Variants in STT3B observed in about 807,000 individuals in gnomAD.
STT3B encodes STT3 oligosaccharyltransferase complex catalytic subunit B, also known as dolichyl-diphosphooligosaccharide--protein glycosyltransferase subunit STT3B.
In STT3B, 29 loss-of-function variants were observed where a neutral mutation model predicts 96.8. The ratio of observed to expected loss-of-function variants is 0.30; its 90% CI spans 0.22 to 0.41. The LOEUF (loss-of-function observed/expected upper bound fraction) is 0.41. STT3B is among the 10% of genes least tolerant of loss of function. The pLI is 1.00. For synonymous variants in STT3B, 367 were observed against 360.0 expected, an observed-to-expected ratio of 1.02 and a Z score of -0.22; for missense variants, 640 against 1,022.3, an observed-to-expected ratio of 0.63 and a Z score of 5.10.
At position 31,587,374 on chromosome 3, in the gene STT3B, A is replaced by G. The variant is rs1190636738; in HGVS notation, c.711+7278A>G. ...ATTTGCCTATTCTGGAATTCCATATAAAAGGAATTATATAATATGTTGCCT... is the reference window on the plus strand; with the variant it reads ...ATTTGCCTATTCTGGAATTCCATATGAAAGGAATTATATAATATGTTGCCT... On this transcript the variant is annotated intron_variant, in intron 3 of 15. Coordinates refer to ENST00000295770, the MANE Select transcript of STT3B (RefSeq NM_178862.3). 6.6e-5 allele frequency among the ~76,000 whole-genome samples: 10 copies of G among 152,008 alleles called. No individual in the cohort carries two copies. The South Asian group carries it at 1.9e-3, about 28-fold the overall frequency.
intron 1 of STT3B, among the ~76,000 whole-genome samples, chr3:31,575,466 T>TGG (rs551121747): frequency 1.4e-4 from 21 of 150,830 alleles, no homozygotes; most frequent in African/African-American, 5.1e-4. Flanking sequence ...TTGATTTTTT[T>TGG]GGGGGGGGGA....
intron 3 of STT3B, among the ~76,000 whole-genome samples, chr3:31,591,311 T>TG (rs1294517586): frequency 6.6e-6 from 1 of 152,184 alleles, no homozygotes; most frequent in Non-Finnish European, 1.5e-5. Flanking sequence ...TATCTTTTTC[T>TG]GTCCTTAAAA....
intron 2 of STT3B, among the ~76,000 whole-genome samples, chr3:31,579,106 C>T (rs1698323176): frequency 6.6e-6 from 1 of 151,986 alleles, no homozygotes; most frequent in Non-Finnish European, 1.5e-5. Context: ...TGATGTTCCT[C>T]TTTTAGAGTG....
chr3:31,542,107 A>G (rs1697289257), intron 1 of STT3B, among the ~76,000 whole-genome samples: 1 of 152,256 alleles, frequency 6.6e-6, no homozygotes, highest in Non-Finnish European at 1.5e-5. Flanking sequence ...ATTTTTCTAC[A>G]GAAACCAAAA....
At chr3:31,569,270 A>T (rs1026812416) in intron 1 of STT3B, among the ~76,000 whole-genome samples, 3 of 152,144 alleles carry the variant, frequency 2.0e-5, no homozygotes, top group African/African-American at 7.2e-5. Flanking sequence ...GAGTTTACAG[A>T]CCTAAGCCAC....
chr3:31,587,114 G>A (rs1206671147), intron 3 of STT3B, among the ~76,000 whole-genome samples: 3 of 151,704 alleles, frequency 2.0e-5, no homozygotes, highest in East Asian at 1.9e-4. Context: ...TTTCCTTTAC[G>A]TACTTTAGCT....
chr3:31,565,698 A>G (rs1294218910), intron 1 of STT3B, among the ~76,000 whole-genome samples: 2 of 152,230 alleles, frequency 1.3e-5, no homozygotes, highest in Non-Finnish European at 2.9e-5. Context: ...TAAAACCAAC[A>G]ATTATGTATG....
intron 3 of STT3B, among the ~76,000 whole-genome samples, chr3:31,587,647 AT>A (rs1698572492): frequency 6.6e-6 from 1 of 151,900 alleles, no homozygotes; most frequent in East Asian, 1.9e-4. Flanking sequence ...ATCACATTGT[AT>A]TTCTCCATTT....
rs117651477 is a variant in STT3B, at chr3:31,589,861, A to G, written c.712-6937A>G. 2.2e-3 allele frequency among the ~76,000 whole-genome samples: 329 copies of G among 151,622 alleles called. 6 individuals carry two copies. In the East Asian group the frequency reaches 0.055, roughly 25 times the overall value. ...TCCTTGCCTGGTTGTACTGACTGGA[A>G]CCTCTAACATCACGTTGGACAGGGT... On this transcript the variant is annotated intron_variant, in intron 3 of 15. Transcript: ENST00000295770.
At chr3:31,558,481 A>C (rs1697776160) in intron 1 of STT3B, among the ~76,000 whole-genome samples, 2 of 152,158 alleles carry the variant, frequency 1.3e-5, no homozygotes, top group Non-Finnish European at 2.9e-5. Context: ...TCTTGAAGTG[A>C]TGTATCATAT....
At chr3:31,590,583 T>C (rs1698643881) in intron 3 of STT3B, among the ~76,000 whole-genome samples, 1 of 152,046 alleles carries the variant, frequency 6.6e-6, no homozygotes, top group Admixed American at 6.6e-5. Context: ...TTTGGGGTTT[T>C]CTTAGCATAC....
At chr3:31,588,701 T>G (rs1377489323) in intron 3 of STT3B, among the ~76,000 whole-genome samples, 1 of 152,110 alleles carries the variant, frequency 6.6e-6, no homozygotes, top group African/African-American at 2.4e-5. Context: ...AAGTATAAGA[T>G]CTGTGTCTAG....
chr3:31,552,591 A>G (rs1308982037), intron 1 of STT3B, among the ~76,000 whole-genome samples: 1 of 152,078 alleles, frequency 6.6e-6, no homozygotes, highest in African/African-American at 2.4e-5. Flanking sequence ...TATGAAAACT[A>G]CCTATGTGTA....
chr3:31,536,009 A>G (rs904780207), intron 1 of STT3B, among the ~76,000 whole-genome samples: 1 of 152,158 alleles, frequency 6.6e-6, no homozygotes, highest in African/African-American at 2.4e-5. Context: ...ATCTAATATA[A>G]TGTCTAATTC....
intron 5 of STT3B, among the ~76,000 whole-genome samples, chr3:31,613,150 A>G (rs1158473388): frequency 1.3e-5 from 2 of 152,030 alleles, no homozygotes; most frequent in Non-Finnish European, 2.9e-5. Context: ...TGGTTGCACA[A>G]CCTTATGCGT....
chr3:31,602,179 G>T (rs926529873), intron 5 of STT3B, among the ~76,000 whole-genome samples: 1 of 152,174 alleles, frequency 6.6e-6, no homozygotes, highest in African/African-American at 2.4e-5. Context: ...CCAAATCTGT[G>T]TGCCTCTCGT....
At chr3:31,539,429 A>G (rs1235629815) in intron 1 of STT3B, among the ~76,000 whole-genome samples, 1 of 152,204 alleles carries the variant, frequency 6.6e-6, no homozygotes, top group Non-Finnish European at 1.5e-5. Context: ...TAGACAAAAG[A>G]TAATTCAATT....
chr3:31,632,804 G>A (rs2125481022), intron 14 of STT3B, 131 bp from the exon 15 acceptor site: 2 of 770,340 alleles, frequency 2.6e-6, no homozygotes, highest in Non-Finnish European at 4.3e-6. Context: ...AACTATTAAG[G>A]TAGATAGATT....
intron 13 of STT3B, among the ~76,000 whole-genome samples, chr3:31,628,597 T>C (rs937815502): frequency 1.3e-5 from 2 of 152,178 alleles, no homozygotes; most frequent in African/African-American, 4.8e-5. Context: ...GTGCCAAAAT[T>C]GTTCCTCATA....
Sources: allele counts gnomAD v4.1 joint callset (sites outside exome capture counted in the v4.1 genomes callset), GRCh38; gene constraint gnomAD v4.1.1; transcripts MANE v1.5; gene names NCBI Gene and HGNC (gene_info 2026-07-23, HGNC 2026-07-21).